The following CEP131 variants were observed in gnomAD, a reference collection of about 807,000 sequenced individuals.
The protein encoded by CEP131 is centrosomal protein 131, also known as centrosomal protein of 131 kDa.
A neutral mutation model predicts 136.8 loss-of-function variants in CEP131; 99 were observed. The ratio of observed to expected loss-of-function variants is 0.72; its 90% CI spans 0.62 to 0.86. The LOEUF (loss-of-function observed/expected upper bound fraction) is 0.86. CEP131 is among the 40% of genes least tolerant of loss of function. CEP131 has a pLI of 0.00. For missense variants in CEP131, 1,459 were observed against 1,463.0 expected (o/e 1.00, Z 0.04); for synonymous variants, 646 against 612.7 (o/e 1.05, Z -0.80).
rs1283072355 is a variant in CEP131 at position 81,208,027 on chromosome 17, C to T, written c.273-788G>A. On this transcript the variant is annotated intron_variant, in intron 3 of 25. Transcript: ENST00000450824. This position sits in a 1 kb window ranked among gnomAD's most constrained non-coding sequence, Gnocchi z 5.6. ...GACACACACCACTCACACCACACAC[C>T]CACACACCACACACCCCCCACACAC... 2.0e-5 allele frequency among the ~76,000 whole-genome samples: 1 copy of T among 50,488 alleles called. No individual in the cohort carries two copies. The highest frequency in any genetic ancestry group is 7.4e-5 in the African/African-American group (1 of 13,472). The allele number at this position is 50,488 out of a possible 152,430, so 33.1% of individuals were successfully genotyped here.
At chr17:81,192,646 G>A (rs949964178) in intron 19 of CEP131, 53 bp from the exon 20 acceptor site, 45 of 1,338,024 alleles carry the variant, frequency 3.4e-5, no homozygotes, top group Non-Finnish European at 4.2e-5. Context: ...AGGAGTCAGG[G>A]ATGGGAGAGG....
chr17:81,195,890 T>A lies in CEP131; in HGVS notation c.1961A>T (p.Gln654Leu). 6.2e-7 allele frequency: 1 copy of A among 1,609,644 alleles called. No homozygotes were observed. The highest frequency in any genetic ancestry group is 1.1e-5 in the South Asian group (1 of 91,092). ...KCEAVVAELK[Q>L]EDQRCTERVA... The stretch of plus-strand genomic sequence containing the variant: ...ACGCTCGGTGCATCTCTGGTCCTCC[T>A]GCTTCAGCTCGGCCACCACAGCCTC... The change falls in exon 16 of 26, where the codon CAG becomes CTG. Residue 654 changes from glutamine to leucine, a missense_variant. Physicochemically the swap from Gln to Leu is moderately radical, Grantham distance 113 (BLOSUM62 -2). Around this residue, in one of 3 missense-constraint regions of CEP131, gnomAD observed 1,026 missense variants for 964.2 expected, o/e 1.06. Coordinates refer to ENST00000450824, the MANE Select transcript of CEP131 (RefSeq NM_014984.4).
Position 81,198,945 on chromosome 17 carries a change from C to A in CEP131, c.1219G>T (p.Gly407Ter). 1.3e-6 allele frequency: 2 copies of A among 1,584,766 alleles called. No individual in the cohort carries two copies. The highest frequency in any genetic ancestry group is 1.1e-5 in the South Asian group (1 of 86,992). Residue 407 changes from glycine to a stop codon, truncating the protein, a stop_gained, in exon 11 of 26, where the codon GGA becomes TGA. Transcript: ENST00000450824. LOFTEE classifies it high-confidence loss of function. The stretch of plus-strand genomic sequence containing the variant: ...TCGGAGGTGGGCAGGCAGCGGTCTC[C>A]GGGGCCTGCAGCAGGGAGGCCACCA... The part of the protein sequence containing the change: ...TGGGLPAAGP[G>*]DRCLPTSDSS...
chr17:81,221,172 G>C (rs984737883), intron 1 of CEP131, among the ~76,000 whole-genome samples: 6 of 145,384 alleles, frequency 4.1e-5, no homozygotes, highest in Non-Finnish European at 7.5e-5. Flanking sequence ...GTGAGGTCCA[G>C]ACAAGATGCT....
intron 7 of CEP131, 85 bp from the exon 8 acceptor site, chr17:81,200,531 G>C: frequency 9.6e-7 from 1 of 1,041,892 alleles, no homozygotes; most frequent in Non-Finnish European, 1.4e-6. Flanking sequence ...GTCGAGCCGG[G>C]GAAGAGAGAA....
At chr17:81,198,395 G>A in intron 11 of CEP131, 98 bp from the exon 12 acceptor site, 1 of 1,255,100 alleles carries the variant, frequency 8.0e-7, no homozygotes, top group Non-Finnish European at 1.1e-6. Context: ...GGCGCCGCGG[G>A]AGCTCCCCAG....
intron 13 of CEP131, 71 bp from the exon 14 acceptor site, chr17:81,197,126 C>T (rs546853199): frequency 5.3e-6 from 8 of 1,509,380 alleles, no homozygotes; most frequent in South Asian, 3.8e-5. Context: ...GACACGATGC[C>T]CCTGCGGCCC....
chr17:81,198,397 G>A (rs1414448602), intron 11 of CEP131, 100 bp from the exon 12 acceptor site: 4 of 1,253,758 alleles, frequency 3.2e-6, no homozygotes, highest in African/African-American at 1.5e-5. Flanking sequence ...CGCCGCGGGA[G>A]CTCCCCAGTC....
In CEP131 at chr17:81,197,661, G is replaced by A. The variant is rs1343134714; in HGVS notation, c.1647+51C>T. The stretch of plus-strand genomic sequence containing the variant: ...TCCCCCGAGGGCCAGGTGCAGGCTC[G>A]TGAGGGGCCTCCTCCCACTGGGGGC... On this transcript the variant is annotated intron_variant, in intron 13 of 25. Transcript: ENST00000450824. The A allele has an allele frequency of 2.3e-5, 36 of 1,564,296 alleles. No homozygotes were observed. The African/African-American group carries it at 2.6e-4, about 11-fold the overall frequency.
In CEP131 at chr17:81,196,757, G is replaced by C; in HGVS notation, c.1843C>G (p.Arg615Gly). The C allele has an allele frequency of 6.3e-7, 1 of 1,598,012 alleles. No individual in the cohort carries two copies. The highest frequency in any genetic ancestry group is 8.5e-7 in the Non-Finnish European group (1 of 1,174,284). Residue 615 changes from arginine to glycine, a missense_variant, in exon 15 of 26, where the codon CGG becomes GGG. This residue lies in a region of CEP131 where 1,026 missense variants were observed against 964.2 expected (regional missense o/e 1.06). Transcript: ENST00000450824. Reference protein sequence around the residue: ...TEKALSRQLQRQREHYEATIQ... With the variant: ...TEKALSRQLQGQREHYEATIQ... Reference sequence around the variant, plus strand: ...GTGGCCTCGTAGTGCTCCCTCTGCCGCTGCAGCTGCCGGCTCAGCGCCTTC... The same window carrying C: ...GTGGCCTCGTAGTGCTCCCTCTGCCCCTGCAGCTGCCGGCTCAGCGCCTTC...
chr17:81,213,290 TG>T (rs2062174222), intron 2 of CEP131, among the ~76,000 whole-genome samples: 1 of 152,226 alleles, frequency 6.6e-6, no homozygotes, highest in Admixed American at 6.5e-5. Context: ...CCAGGTGCAG[TG>T]GCTCATGCCT....
intron 12 of CEP131, 25 bp downstream of exon 12, chr17:81,198,090 C>G: frequency 1.3e-6 from 2 of 1,535,744 alleles, no homozygotes; most frequent in Non-Finnish European, 1.8e-6. Context: ...ACAGACTGTG[C>G]AGGGCGGGCG....
intron 16 of CEP131, 78 bp from the exon 17 acceptor site, chr17:81,195,050 GC>G: frequency 1.8e-6 from 2 of 1,133,942 alleles, no homozygotes; most frequent in Non-Finnish European, 2.6e-6. Context: ...CACAGTCAGG[GC>G]CGGGCTTCCA....
intron 15 of CEP131, 151 bp from the exon 16 acceptor site, chr17:81,196,102 A>T: frequency 6.4e-5 from 37 of 580,698 alleles, no homozygotes; most frequent in East Asian, 1.6e-4. Context: ...CCCTGGGGCC[A>T]GTGGGGGGGC....
Position 81,202,275 on chromosome 17 carries a change from G to A in CEP131, c.753C>T (p.Pro251=). Residue 251 remains proline, a synonymous_variant, in exon 7 of 26, where the codon CCC becomes CCT. Coordinates refer to ENST00000450824, the MANE Select transcript of CEP131 (RefSeq NM_014984.4). ...RNNTGGSTGL[P]RRKEVTEEEA... is the part of the protein sequence containing the mutation. ...CCTCCTCCGTCACCTCCTTCCGCCTGGGCAAGCCCGTGCTGCCCCCAGTAT... is the reference window on the plus strand; with the variant it reads ...CCTCCTCCGTCACCTCCTTCCGCCTAGGCAAGCCCGTGCTGCCCCCAGTAT... 2 of 1,606,998 alleles carry A rather than the reference G, an allele frequency of 1.2e-6. No homozygotes were observed. Among genetic ancestry groups the A allele is most frequent in the South Asian group, 1.1e-5 (1 of 90,736 alleles).
chr17:81,206,647 C>T, intron 5 of CEP131, 97 bp downstream of exon 5: 2 of 1,456,280 alleles, frequency 1.4e-6, no homozygotes, highest in Non-Finnish European at 1.8e-6. Context: ...CATTCCAAAG[C>T]ACCCTGAACG....
Position 81,202,377 on chromosome 17 carries a change from G to A in CEP131, c.651C>T (p.Thr217=). 3.7e-6 allele frequency: 6 copies of A among 1,613,354 alleles called. No individual in the cohort carries two copies. The highest frequency in any genetic ancestry group is 5.1e-6 in the Non-Finnish European group (6 of 1,179,866). ...AGCCGCTGCTCTCACTGCCCTCACAGGTGGCTGCCTTGATGATGTTGCTGA... is the reference window on the plus strand; with the variant it reads ...AGCCGCTGCTCTCACTGCCCTCACAAGTGGCTGCCTTGATGATGTTGCTGA... ...PSLNNIIKAA[T]CEGSESSGFG... The change falls in exon 7 of 26, where the codon ACC becomes ACT. Residue 217 remains threonine, a synonymous_variant. Transcript: ENST00000450824.
intron 16 of CEP131, 31 bp from the exon 17 acceptor site, chr17:81,195,003 C>A (rs758919456): frequency 2.6e-6 from 4 of 1,551,444 alleles, no homozygotes; most frequent in Non-Finnish European, 3.5e-6. Context: ...GAGGAAACGA[C>A]ACGAAGGACA....
rs1221731511 is a variant in CEP131 at position 81,203,225 on chromosome 17, G to T, written c.629+269C>A. 6.6e-6 allele frequency among the ~76,000 whole-genome samples: 1 copy of T among 152,202 alleles called. No individual in the cohort carries two copies. Among genetic ancestry groups the T allele is most frequent in the Non-Finnish European group, 1.5e-5 (1 of 68,020 alleles). ...GCCACATCTGGGCTGTTTTCTCTCT[G>T]TGGGAAGCTGCCGACCCAAGAACAG... On this transcript the variant is annotated intron_variant, in intron 6 of 25. Transcript: ENST00000450824. This position sits in a 1 kb window ranked among gnomAD's most constrained non-coding sequence, Gnocchi z 4.6.
Sources: allele counts gnomAD v4.1 joint callset (sites outside exome capture counted in the v4.1 genomes callset), GRCh38; gene constraint gnomAD v4.1.1; regional missense constraint gnomAD v4.1.1; non-coding constraint Gnocchi (gnomAD v3.1); transcripts MANE v1.5; gene names NCBI Gene and HGNC (gene_info 2026-07-23, HGNC 2026-07-21).